Variants in ACSL3 observed in about 807,000 individuals in gnomAD.
The protein encoded by ACSL3 is acyl-CoA synthetase long chain family member 3.
Under a neutral mutation model 84.7 loss-of-function variants are expected in ACSL3, and 34 were observed. The ratio of observed to expected loss-of-function variants is 0.40; its 90% CI spans 0.31 to 0.53. ACSL3 has a LOEUF of 0.53. Ranked by LOEUF, ACSL3 falls within the 20% of genes least tolerant of loss-of-function variation. The pLI is 0.48. For missense variants in ACSL3, 680 were observed against 873.1 expected (o/e 0.78, Z 2.79); for synonymous variants, 315 against 299.4 (o/e 1.05, Z -0.54).
chr2:222,931,614 G>A (rs573000388), intron 14 of ACSL3, among the ~76,000 whole-genome samples: 8 of 152,008 alleles, frequency 5.3e-5, no homozygotes, highest in African/African-American at 1.9e-4. Flanking sequence ...TGTACCTTCT[G>A]CCACCCTCTC....
At position 222,865,381 on chromosome 2, in the gene ACSL3, A is replaced by G. The variant is rs527605662; in HGVS notation, c.-207+4123A>G. 2.6e-5 allele frequency among the ~76,000 whole-genome samples: 4 copies of G among 152,352 alleles called. No individual in the cohort carries two copies. In the South Asian group the frequency reaches 8.3e-4, roughly 32 times the overall value. On this transcript the variant is annotated intron_variant, in intron 1 of 16. Transcript: ENST00000357430. ...CCAACCTTTTGGATAAGTGGCCTCC[A>G]AATACAGCTTTCTGCTTGTTTGTGA...
At chr2:222,918,690 T>G (rs555959472) in intron 6 of ACSL3, among the ~76,000 whole-genome samples, 189 of 149,184 alleles carry the variant, frequency 1.3e-3, no homozygotes, top group Non-Finnish European at 1.9e-3. Context: ...TGAACAAGTT[T>G]GCATGTGAAT....
intron 1 of ACSL3, among the ~76,000 whole-genome samples, chr2:222,878,403 C>G (rs1167597992): frequency 6.6e-6 from 1 of 152,198 alleles, no homozygotes; most frequent in Non-Finnish European, 1.5e-5. Context: ...GCCAGGCCCA[C>G]TGCTTGCTGT....
chr2:222,926,929 T>C, intron 11 of ACSL3, 88 bp from the exon 12 acceptor site: 1 of 1,391,006 alleles, frequency 7.2e-7, no homozygotes, highest in Non-Finnish European at 9.8e-7. Context: ...TCAAAATCTC[T>C]CATATCAAAA....
Position 222,944,201 on chromosome 2 carries a change from T to G in ACSL3, c.*2547T>G, listed in dbSNP as rs1697400678. 6.6e-6 allele frequency: 1 copy of G among 152,162 alleles called. No individual in the cohort carries two copies. Among genetic ancestry groups the G allele is most frequent in the East Asian group, 1.9e-4 (1 of 5,206 alleles). The allele number at this position is 152,162 out of a possible 1,614,324, so 9.4% of individuals were successfully genotyped here. On this transcript the variant is annotated 3_prime_UTR_variant, in exon 17 of 17. Coordinates refer to ENST00000357430, the MANE Select transcript of ACSL3 (RefSeq NM_004457.5). ...AGTGGATTTGATATTTATAATGTTC[T>G]CTAAAGCTTGCAACTTTTTCAGCAA... is the stretch of plus-strand genomic sequence containing the variant.
chr2:222,879,544 G>A (rs1695538181), intron 1 of ACSL3, among the ~76,000 whole-genome samples: 1 of 152,290 alleles, frequency 6.6e-6, no homozygotes, highest in African/African-American at 2.4e-5. Context: ...TTGTCTGTGG[G>A]TAATTATACT....
intron 11 of ACSL3, among the ~76,000 whole-genome samples, chr2:222,926,329 A>G (rs1050276813): frequency 7.9e-5 from 12 of 152,214 alleles, no homozygotes; most frequent in African/African-American, 2.7e-4. Flanking sequence ...GGATAACTGT[A>G]AAAGCTGATT....
chr2:222,894,567 T>C (rs1247393530), intron 2 of ACSL3, among the ~76,000 whole-genome samples: 1 of 152,250 alleles, frequency 6.6e-6, no homozygotes, highest in East Asian at 1.9e-4. Flanking sequence ...CATCTTGTTA[T>C]TTTAATTAGC....
chr2:222,892,973 G>A (rs1364350139), intron 2 of ACSL3, among the ~76,000 whole-genome samples: 1 of 152,082 alleles, frequency 6.6e-6, no homozygotes, highest in Admixed American at 6.6e-5. Context: ...ATCCAGCATT[G>A]TGCAAGCCAC....
At chr2:222,878,615 A>G (rs779732182) in intron 1 of ACSL3, among the ~76,000 whole-genome samples, 60 of 152,214 alleles carry the variant, frequency 3.9e-4, no homozygotes, top group African/African-American at 8.9e-4. Flanking sequence ...AATAGAGTCA[A>G]TGATGACTGT....
chr2:222,874,492 A>G (rs1695395268), intron 1 of ACSL3, among the ~76,000 whole-genome samples: 1 of 152,070 alleles, frequency 6.6e-6, no homozygotes, highest in Admixed American at 6.5e-5. Context: ...GGAGTTTGAG[A>G]CCAGCCTGGG....
intron 10 of ACSL3, among the ~76,000 whole-genome samples, chr2:222,923,656 G>T (rs1168139205): frequency 6.6e-6 from 1 of 152,152 alleles, no homozygotes; most frequent in Non-Finnish European, 1.5e-5. Flanking sequence ...AGGGAAATGG[G>T]GCAGCAGTGA....
At position 222,943,454 on chromosome 2, in the gene ACSL3, T is replaced by TA. The variant is rs1249521604; in HGVS notation, c.*1807dup. The TA allele has an allele frequency of 1.1e-5, 2 of 174,388 alleles. No homozygotes were observed. The highest frequency in any genetic ancestry group is 4.7e-5 in the African/African-American group (2 of 42,112). 10.8% of individuals were successfully genotyped at this position (174,388 alleles called of 1,614,324 possible). ...GAATAATTGTTTGCTTTCAGATGAT[T>TA]AAAAAAAGGAGATTGTATCTAGGAA... is the stretch of plus-strand genomic sequence containing the variant. On this transcript the variant is annotated 3_prime_UTR_variant, in exon 17 of 17. Coordinates refer to ENST00000357430, the MANE Select transcript of ACSL3 (RefSeq NM_004457.5).
intron 7 of ACSL3, 140 bp from the exon 8 acceptor site, chr2:222,921,140 T>G (rs1696723779): frequency 1.1e-6 from 1 of 904,338 alleles, no homozygotes; most frequent in Non-Finnish European, 1.8e-6. Context: ...TTTGTTGATC[T>G]CAGTATAACT....
At chr2:222,916,681 C>T in intron 5 of ACSL3, 185 bp downstream of exon 5, 1 of 600,828 alleles carries the variant, frequency 1.7e-6, no homozygotes, top group Non-Finnish European at 2.7e-6. Flanking sequence ...ACAAATTGTA[C>T]CAATCAGTGT....
chr2:222,922,249 T>A (rs1559298379), intron 8 of ACSL3, among the ~76,000 whole-genome samples: 1 of 152,168 alleles, frequency 6.6e-6, no homozygotes, highest in Non-Finnish European at 1.5e-5. Context: ...TCTGTAAAAT[T>A]TCTGGCAGAT....
At chr2:222,886,417 T>A (rs1695722962) in intron 1 of ACSL3, among the ~76,000 whole-genome samples, 1 of 152,206 alleles carries the variant, frequency 6.6e-6, no homozygotes, top group Admixed American at 6.5e-5. Context: ...TCATTCTTTT[T>A]TATGGCTGCA....
intron 1 of ACSL3, among the ~76,000 whole-genome samples, chr2:222,867,135 G>T (rs1695171266): frequency 6.6e-6 from 1 of 152,032 alleles, no homozygotes. Flanking sequence ...GCCCGGCCTA[G>T]AATTTTCTTT....
Position 222,921,278 on chromosome 2 carries a change from A to G in ACSL3, c.806-2A>G. On this transcript the variant is annotated splice_acceptor_variant, in intron 7 of 16. Coordinates refer to ENST00000357430, the MANE Select transcript of ACSL3 (RefSeq NM_004457.5). LOFTEE classifies it high-confidence loss of function. The stretch of plus-strand genomic sequence containing the variant: ...TGTGTGTGTTTTTTCTCTTCAATGC[A>G]GAAAACCAACCTCATAGCAAACCAT... 1.3e-6 allele frequency: 2 copies of G among 1,589,402 alleles called. No individual in the cohort carries two copies. The highest frequency in any genetic ancestry group is 1.7e-6 in the Non-Finnish European group (2 of 1,160,212).
Sources: gnomAD v4.1 joint callset for allele counts (sites outside exome capture counted in the v4.1 genomes callset) on GRCh38, gnomAD v4.1.1 for gene constraint, MANE v1.5 for transcripts, NCBI Gene and HGNC (gene_info 2026-07-23, HGNC 2026-07-21) for gene names.